PCYT1B: variants seen among roughly 807,000 people sequenced by gnomAD.
PCYT1B encodes the protein choline-phosphate cytidylyltransferase B.
In PCYT1B, 10 loss-of-function variants were observed where a neutral mutation model predicts 26.4. That is an observed-to-expected ratio of 0.38 (90% CI 0.23 to 0.64). The LOEUF (loss-of-function observed/expected upper bound fraction) is 0.64. Among genes scored for constraint, PCYT1B ranks in the 30% least tolerant of loss-of-function variants. PCYT1B has a pLI of 0.56. For missense variants in PCYT1B, 161 were observed against 292.7 expected, an observed-to-expected ratio of 0.55 and a Z score of 3.28; for synonymous variants, 131 against 108.4, an observed-to-expected ratio of 1.21 and a Z score of -1.29.
At chrX:24,634,637 T>G (rs760764496) in intron 1 of PCYT1B, among the ~76,000 whole-genome samples, 45 of 111,114 alleles carry the variant, frequency 4.0e-4, no homozygotes, top group African/African-American at 1.4e-3. Flanking sequence ...TCCCAGCTAC[T>G]TGGGAGGCTG....
chrX:24,617,959 G>A (rs1925568123), intron 2 of PCYT1B, among the ~76,000 whole-genome samples: 1 of 111,463 alleles, frequency 9.0e-6, no homozygotes, highest in African/African-American at 3.3e-5. Context: ...GCTCCCTCCC[G>A]GAAGTCTTGC....
At position 24,562,278 on chromosome X, in the gene PCYT1B, G is replaced by C. The variant is rs1342865141; in HGVS notation, c.*15C>G. On this transcript the variant is annotated 3_prime_UTR_variant, in exon 8 of 8. Coordinates refer to ENST00000379144, the MANE Select transcript of PCYT1B (RefSeq NM_004845.5). ...CCCCATCCTGCATGGTGCGGCTCTT[G>C]CCTCCCAGCAGCCTCTACTTTTCAT... The C allele has an allele frequency of 1.1e-5, 13 of 1,153,073 alleles. No individual in the cohort carries two copies. The highest frequency in any genetic ancestry group is 1.5e-5 in the Non-Finnish European group (13 of 866,159).
At chrX:24,625,412 A>T (rs1381747879) in intron 1 of PCYT1B, among the ~76,000 whole-genome samples, 1 of 110,940 alleles carries the variant, frequency 9.0e-6, no homozygotes, top group Non-Finnish European at 1.9e-5. Flanking sequence ...ATAGTTAACC[A>T]TGGGCCCAAC....
At chrX:24,611,897 C>T (rs767764614) in intron 2 of PCYT1B, among the ~76,000 whole-genome samples, 7 of 109,155 alleles carry the variant, frequency 6.4e-5, no homozygotes, top group Admixed American at 2.9e-4. Flanking sequence ...CTCTTGAACC[C>T]GGGAGGCAGA....
intron 2 of PCYT1B, among the ~76,000 whole-genome samples, chrX:24,616,053 A>C (rs1010536617): frequency 3.6e-5 from 4 of 110,804 alleles, no homozygotes; most frequent in African/African-American, 9.8e-5. Context: ...AATAATAGTC[A>C]TCTCACATGG....
At chrX:24,625,304 A>G (rs763461040) in intron 1 of PCYT1B, among the ~76,000 whole-genome samples, 10 of 112,326 alleles carry the variant, frequency 8.9e-5, no homozygotes, top group Non-Finnish European at 1.9e-4. Context: ...TTAGGTTTAT[A>G]TTTACTTGTT....
intron 6 of PCYT1B, 127 bp downstream of exon 6, chrX:24,579,189 A>C: frequency 3.8e-6 from 2 of 521,838 alleles, no homozygotes; most frequent in South Asian, 9.5e-5. Context: ...CTCTACACAA[A>C]AAAAAAAAAA....
intron 7 of PCYT1B, among the ~76,000 whole-genome samples, chrX:24,571,135 G>A (rs1468658092): frequency 8.9e-6 from 1 of 111,792 alleles, no homozygotes; most frequent in African/African-American, 3.3e-5. Context: ...AGGCCAAGGT[G>A]GGTGGATCAC....
Position 24,587,388 on chromosome X carries a change from G to C in PCYT1B, c.487-69C>G, listed in dbSNP as rs769441654. The C allele has an allele frequency of 5.6e-5, 39 of 692,093 alleles. No individual in the cohort carries two copies. In the African/African-American group the frequency reaches 7.8e-4, roughly 14 times the overall value. 57.0% of individuals were successfully genotyped at this position (692,093 alleles called of 1,213,427 possible). A position where few individuals can be genotyped will look rare whatever the true frequency, so the allele number is the denominator to read the frequency against. On this transcript the variant is annotated intron_variant, in intron 4 of 7. Transcript: ENST00000379144. The stretch of plus-strand genomic sequence containing the variant: ...TGCATGTCTGCAGATTTGAAGGGGG[G>C]AATGGTGACTTCATAATGCCTTTTC...
intron 3 of PCYT1B, among the ~76,000 whole-genome samples, chrX:24,604,064 A>C (rs1031365974): frequency 9.8e-6 from 1 of 102,251 alleles, no homozygotes; most frequent in Non-Finnish European, 2.0e-5. Context: ...ATTAATGGAG[A>C]CATATGAAAT....
At chrX:24,670,105 AAAGAAAGAAAGG>A (rs1569261895) in intron 1 of PCYT1B, among the ~76,000 whole-genome samples, 78 of 24,257 alleles carry the variant, frequency 3.2e-3, no homozygotes, top group African/African-American at 7.7e-3. Flanking sequence ...AGAAAGAAAG[AAAGAAAGAAAGG>A]AAGGAAGGAA....
chrX:24,664,816 G>T (rs1927094813), intron 1 of PCYT1B, among the ~76,000 whole-genome samples: 1 of 111,468 alleles, frequency 9.0e-6, no homozygotes, highest in Non-Finnish European at 1.9e-5. Context: ...AAATTACCTG[G>T]GCATGGTGGC....
chrX:24,649,397 G>A (rs1487063791), upstream of PCYT1B, among the ~76,000 whole-genome samples: 4 of 111,769 alleles, frequency 3.6e-5, no homozygotes, highest in South Asian at 1.1e-3. Flanking sequence ...TACTGAATCA[G>A]AAATTCTGGC....
At chrX:24,639,496 C>T (rs957038252) in intron 1 of PCYT1B, among the ~76,000 whole-genome samples, 15 of 111,343 alleles carry the variant, frequency 1.3e-4, no homozygotes, top group Non-Finnish European at 2.4e-4. Flanking sequence ...CGAAGCAGAT[C>T]CATTTGCTCT....
At chrX:24,567,499 G>A (rs1923670003) in intron 7 of PCYT1B, among the ~76,000 whole-genome samples, 2 of 111,973 alleles carry the variant, frequency 1.8e-5, no homozygotes, top group Middle Eastern at 4.6e-3. Context: ...AGTATGCATG[G>A]CATTTTCCAA....
chrX:24,646,870 C>T (rs1349893297), intron 1 of PCYT1B, 119 bp downstream of exon 1: 6 of 557,096 alleles, frequency 1.1e-5, no homozygotes, highest in Non-Finnish European at 1.8e-5. Flanking sequence ...TAGGCGGTAG[C>T]GCTCTTCTCA....
intron 4 of PCYT1B, among the ~76,000 whole-genome samples, chrX:24,588,899 A>T (rs922328415): frequency 9.0e-6 from 1 of 110,870 alleles, no homozygotes; most frequent in African/African-American, 3.3e-5. Flanking sequence ...ATAAATGTTT[A>T]TTATTATTAT....
At chrX:24,672,150 G>A (rs746997393) in intron 1 of PCYT1B, among the ~76,000 whole-genome samples, 6 of 112,241 alleles carry the variant, frequency 5.3e-5, no homozygotes, top group Admixed American at 9.4e-5. Flanking sequence ...CAGCAAGAGC[G>A]TAACTCCATC....
At chrX:24,655,748 C>T (rs1333103799) in intron 1 of PCYT1B, among the ~76,000 whole-genome samples, 1 of 110,206 alleles carries the variant, frequency 9.1e-6, no homozygotes. Context: ...TGTGCTATTG[C>T]ACTCCAGCCT....
Sources: allele counts gnomAD v4.1 joint callset (sites outside exome capture counted in the v4.1 genomes callset), GRCh38; gene constraint gnomAD v4.1.1; transcripts MANE v1.5; gene names NCBI Gene and HGNC (gene_info 2026-07-23, HGNC 2026-07-21).